Variants in GRID2 observed in about 807,000 individuals in gnomAD.
The protein encoded by GRID2 is glutamate receptor ionotropic, delta-2.
In GRID2, 33 loss-of-function variants were observed where a neutral mutation model predicts 114.8. The ratio of observed to expected loss-of-function variants is 0.29; its 90% confidence interval spans 0.22 to 0.38. The LOEUF is 0.38. GRID2 is among the 10% of genes least tolerant of loss of function. The pLI, the probability that GRID2 is intolerant of heterozygous loss-of-function variation, is 1.00. For missense variants in GRID2, 1,184 were observed against 1,257.7 expected (o/e 0.94, Z 0.89); for synonymous variants, 505 against 449.9 (o/e 1.12, Z -1.55).
Position 93,772,399 on chromosome 4 carries a change from C to T in GRID2, c.2925C>T (p.Phe975=), listed in dbSNP as rs778338513. 8 of 1,613,880 alleles carry T rather than the reference C, an allele frequency of 5.0e-6. No individual in the cohort carries two copies. The South Asian group carries it at 8.8e-5, about 18-fold the overall frequency. The part of the protein sequence containing the change: ...FRHRAPNGGF[F]RSPIKTMSSI... ...ACAGGGCACCTAATGGGGGCTTTTTCAGGAGTCCTATAAAAACAATGTCAT... is the reference window on the plus strand; with the variant it reads ...ACAGGGCACCTAATGGGGGCTTTTTTAGGAGTCCTATAAAAACAATGTCAT... The change falls in exon 16 of 16, where the codon TTC becomes TTT. Residue 975 remains phenylalanine (F), a synonymous_variant. Transcript: ENST00000282020.
chr4:93,291,936 C>T (rs1055302107), intron 8 of GRID2, among the ~76,000 whole-genome samples: 3 of 152,036 alleles, frequency 2.0e-5, no homozygotes, highest in African/African-American at 7.3e-5. Context: ...TTCAAATCTA[C>T]TTTATTGGCA....
intron 1 of GRID2, among the ~76,000 whole-genome samples, chr4:92,526,677 C>T (rs1313838478): frequency 6.6e-6 from 1 of 151,864 alleles, no homozygotes; most frequent in Non-Finnish European, 1.5e-5. Flanking sequence ...AAATGTAAGC[C>T]TTAAGTTAGG....
intron 8 of GRID2, 73 bp downstream of exon 8, chr4:93,238,563 T>C (rs1442113229): frequency 2.3e-6 from 3 of 1,307,298 alleles, no homozygotes; most frequent in Admixed American, 1.8e-5. Flanking sequence ...CCATGCAGTA[T>C]GATCACAGTA....
intron 1 of GRID2, among the ~76,000 whole-genome samples, chr4:92,526,360 T>C (rs1364760534): frequency 6.6e-6 from 1 of 152,138 alleles, no homozygotes; most frequent in Non-Finnish European, 1.5e-5. Context: ...GTTTTGTTTT[T>C]GAGATGGAGT....
intron 2 of GRID2, among the ~76,000 whole-genome samples, chr4:92,975,079 C>T (rs749419229): frequency 1.7e-4 from 24 of 142,334 alleles, no homozygotes; most frequent in Non-Finnish European, 2.2e-4. Context: ...ATGGCGTGAA[C>T]CCGGGGTGTG....
At chr4:93,584,101 C>A (rs535215658) in intron 13 of GRID2, among the ~76,000 whole-genome samples, 1 of 152,106 alleles carries the variant, frequency 6.6e-6, no homozygotes, top group Non-Finnish European at 1.5e-5. Flanking sequence ...CATAAAGACA[C>A]AACTGTTTCT....
chr4:92,611,146 A>ATG (rs57724105), intron 2 of GRID2, among the ~76,000 whole-genome samples: 8,999 of 136,092 alleles, frequency 0.066, 256 homozygotes, highest in East Asian at 0.12. Flanking sequence ...GTGTGTGTGC[A>ATG]TGTGTGTGTG....
chr4:93,375,869 G>T (rs953924679), intron 8 of GRID2, among the ~76,000 whole-genome samples: 2 of 152,146 alleles, frequency 1.3e-5, no homozygotes, highest in Admixed American at 1.3e-4. Flanking sequence ...AGAGGCTACT[G>T]TAACAAAATT....
At position 92,921,757 on chromosome 4, in the gene GRID2, A is replaced by C. The variant is rs1346722886; in HGVS notation, c.245-163238A>C. On this transcript the variant is annotated intron_variant, in intron 2 of 15. Coordinates refer to ENST00000282020, the MANE Select transcript of GRID2 (RefSeq NM_001510.4). ...CCGTGTGAGGTGTCAGTCTGCCCCT[A>C]CTGGGGAATGCCACCCAGTTAGGCT... Among the ~76,000 whole-genome samples, 4 of 152,096 alleles carry C rather than the reference A, an allele frequency of 2.6e-5. No homozygotes were observed. In the South Asian group the frequency reaches 6.2e-4, roughly 24 times the overall value.
chr4:93,651,892 A>T (rs984665511), intron 14 of GRID2, among the ~76,000 whole-genome samples: 3 of 152,140 alleles, frequency 2.0e-5, no homozygotes, highest in African/African-American at 7.2e-5. Context: ...TGCTCTCTAG[A>T]AGGAAAGGTG....
At chr4:92,670,166 T>G (rs1435699982) in intron 2 of GRID2, among the ~76,000 whole-genome samples, 2 of 152,114 alleles carry the variant, frequency 1.3e-5, no homozygotes, top group East Asian at 3.9e-4. Flanking sequence ...AGCCTTTGAT[T>G]AATCTATAAT....
At chr4:92,560,401 A>G (rs568284827) in intron 1 of GRID2, among the ~76,000 whole-genome samples, 2 of 152,300 alleles carry the variant, frequency 1.3e-5, no homozygotes, top group South Asian at 4.1e-4. Context: ...GAAGCCTGTT[A>G]TAATACGGCT....
chr4:93,147,385 C>T (rs1189987709), intron 4 of GRID2, among the ~76,000 whole-genome samples: 1 of 152,158 alleles, frequency 6.6e-6, no homozygotes, highest in Non-Finnish European at 1.5e-5. Context: ...ATACTTGACA[C>T]TTTGTATGAG....
intron 1 of GRID2, among the ~76,000 whole-genome samples, chr4:92,483,493 A>C (rs1244521474): frequency 2.0e-5 from 3 of 152,310 alleles, no homozygotes; most frequent in African/African-American, 7.2e-5. Flanking sequence ...TTATCAAGAC[A>C]GTCAATATGT....
At chr4:93,630,752 CT>C (rs1412232096) in intron 14 of GRID2, among the ~76,000 whole-genome samples, 1 of 152,070 alleles carries the variant, frequency 6.6e-6, no homozygotes, top group East Asian at 1.9e-4. Context: ...TAGCTATGCC[CT>C]TTCTGACAGG....
chr4:93,665,487 A>G (rs1723869950), intron 14 of GRID2, among the ~76,000 whole-genome samples: 4 of 152,236 alleles, frequency 2.6e-5, no homozygotes, highest in Middle Eastern at 6.8e-3. Context: ...TTTTATATGC[A>G]TTTGTCTTCC....
At chr4:93,636,205 G>C (rs1209710827) in intron 14 of GRID2, among the ~76,000 whole-genome samples, 1 of 152,142 alleles carries the variant, frequency 6.6e-6, no homozygotes, top group Non-Finnish European at 1.5e-5. Flanking sequence ...AGCCCATGAT[G>C]CTGGACCAAG....
chr4:92,974,697 G>T (rs893850004), intron 2 of GRID2, among the ~76,000 whole-genome samples: 1 of 151,732 alleles, frequency 6.6e-6, no homozygotes, highest in Non-Finnish European at 1.5e-5. Flanking sequence ...GGGTAGGGGG[G>T]TAGGGGAGGA....
chr4:93,067,517 C>G (rs1728407819), intron 2 of GRID2, among the ~76,000 whole-genome samples: 2 of 151,938 alleles, frequency 1.3e-5, no homozygotes, highest in Admixed American at 1.3e-4. Flanking sequence ...TTATAAGGCT[C>G]TGCCTTCATG....
Sources: allele counts gnomAD v4.1 joint callset (sites outside exome capture counted in the v4.1 genomes callset), GRCh38; gene constraint gnomAD v4.1.1; transcripts MANE v1.5; gene names NCBI Gene and HGNC (gene_info 2026-07-23, HGNC 2026-07-21).